Variants in COL23A1 observed in about 807,000 individuals in gnomAD.
The protein encoded by COL23A1 is collagen alpha-1(XXIII) chain.
In COL23A1, 97 loss-of-function variants were observed where a neutral mutation model predicts 99.3. That is an observed-to-expected ratio of 0.98 (90% confidence interval 0.83 to 1.16). The LOEUF is 1.16. COL23A1 is among the 50% of genes most tolerant of loss of function. The pLI, the probability that COL23A1 is intolerant of heterozygous loss-of-function variation, is 0.00. For missense variants in COL23A1, 762 were observed against 757.4 expected (o/e 1.01, Z -0.07); for synonymous variants, 320 against 308.2 (o/e 1.04, Z -0.40).
In COL23A1 at chr5:178,280,123, C is replaced by T. The variant is rs925743080; in HGVS notation, c.441+8201G>A. 6.6e-6 allele frequency among the ~76,000 whole-genome samples: 1 copy of T among 152,260 alleles called. No individual in the cohort carries two copies. The highest frequency in any genetic ancestry group is 1.5e-5 in the Non-Finnish European group (1 of 68,044). On this transcript the variant is annotated intron_variant, in intron 5 of 28. Transcript: ENST00000390654. This position sits in a 1 kb window ranked among gnomAD's most constrained non-coding sequence, Gnocchi z 4.9. ...AACGTCCATCCTGCTGGCTCTCGTG[C>T]CCGGCCAGGGAACACTAGAGGGCGC...
rs376239412 is a variant in COL23A1, at chr5:178,585,214, G to C, written c.294+4690C>G. 2.0e-5 allele frequency among the ~76,000 whole-genome samples: 3 copies of C among 152,270 alleles called. No individual in the cohort carries two copies. The South Asian group carries it at 6.2e-4, about 32-fold the overall frequency. Reference sequence around the variant, plus strand: ...GTTATGAGAACTTAGGCGGGCCAGTGGATGACTGAACCCCCGCTCTGCCCC... The same window carrying C: ...GTTATGAGAACTTAGGCGGGCCAGTCGATGACTGAACCCCCGCTCTGCCCC... On this transcript the variant is annotated intron_variant, in intron 1 of 28. Transcript: ENST00000390654.
At chr5:178,297,315 G>A (rs1227981229) in intron 3 of COL23A1, among the ~76,000 whole-genome samples, 2 of 152,252 alleles carry the variant, frequency 1.3e-5, no homozygotes, top group Non-Finnish European at 2.9e-5. Flanking sequence ...GAGGTCAGGA[G>A]TTAGAGACCA....
intron 18 of COL23A1, among the ~76,000 whole-genome samples, chr5:178,249,716 A>ACACTCACTCTCTCTCTCTCTCTCT: frequency 2.5e-4 from 23 of 92,810 alleles, no homozygotes; most frequent in South Asian, 4.2e-4. Flanking sequence ...ACACACACAC[A>ACACTCACTCTCTCTCTCTCTCTCT]CTCTCTCTCT....
At chr5:178,358,358 G>A (rs1329963026) in intron 2 of COL23A1, among the ~76,000 whole-genome samples, 3 of 148,338 alleles carry the variant, frequency 2.0e-5, no homozygotes, top group African/African-American at 7.3e-5. Flanking sequence ...TTGTGTGTAT[G>A]TGTATGTGTA....
Position 178,520,048 on chromosome 5 carries a change from G to A in COL23A1, c.361+40634C>T, listed in dbSNP as rs531259897. 1.1e-4 allele frequency among the ~76,000 whole-genome samples: 16 copies of A among 152,332 alleles called. No individual in the cohort carries two copies. The South Asian group carries it at 1.9e-3, about 18-fold the overall frequency. Reference sequence around the variant, plus strand: ...TGAATGGATGGTCAGATGATGGACAGATGCATGGGTGGATGGATGGATGGA... The same window carrying A: ...TGAATGGATGGTCAGATGATGGACAAATGCATGGGTGGATGGATGGATGGA... On this transcript the variant is annotated intron_variant, in intron 2 of 28. Coordinates refer to ENST00000390654, the MANE Select transcript of COL23A1 (RefSeq NM_173465.4).
chr5:178,252,637 G>A, intron 16 of COL23A1, 40 bp from the exon 17 acceptor site: 1 of 1,569,280 alleles, frequency 6.4e-7, no homozygotes, highest in African/African-American at 1.3e-5. Context: ...CATGGGTTAG[G>A]CAGGGCCTCC....
At chr5:178,498,257 T>TATAA (rs1758335655) in intron 2 of COL23A1, among the ~76,000 whole-genome samples, 2 of 83,788 alleles carry the variant, frequency 2.4e-5, no homozygotes, top group Non-Finnish European at 2.4e-5. Flanking sequence ...TATATATATA[T>TATAA]AAAAGAACTT....
At position 178,256,338 on chromosome 5, in the gene COL23A1, G is replaced by C. The variant is rs1765296691; in HGVS notation, c.882+15C>G. On this transcript the variant is annotated intron_variant, in intron 15 of 28. Transcript: ENST00000390654. ...ATCTCATCCCTGAGGCCTCGCCTGA[G>C]GGGCGGCAGCTTACCCGGGGCCCTG... 4 of 1,593,564 alleles carry C rather than the reference G, an allele frequency of 2.5e-6. No individual in the cohort carries two copies. The highest frequency in any genetic ancestry group is 3.4e-6 in the Non-Finnish European group (4 of 1,168,158).
intron 3 of COL23A1, among the ~76,000 whole-genome samples, chr5:178,303,351 G>A (rs947784873): frequency 2.6e-5 from 4 of 152,164 alleles, no homozygotes; most frequent in Non-Finnish European, 5.9e-5. Flanking sequence ...AAATTAAAAT[G>A]CTACAAATCT....
chr5:178,264,351 AG>A (rs1037933889), intron 8 of COL23A1, among the ~76,000 whole-genome samples: 14 of 144,596 alleles, frequency 9.7e-5, no homozygotes, highest in African/African-American at 3.6e-4. Flanking sequence ...AAAAAAAAAA[AG>A]GATGATGAAG....
chr5:178,331,177 A>T (rs1759997293), intron 2 of COL23A1, among the ~76,000 whole-genome samples: 1 of 152,228 alleles, frequency 6.6e-6, no homozygotes, highest in Non-Finnish European at 1.5e-5. Context: ...CTGTCATGCT[A>T]TGTTCCCTTC....
intron 2 of COL23A1, among the ~76,000 whole-genome samples, chr5:178,426,419 C>T (rs1336055676): frequency 2.0e-5 from 3 of 152,230 alleles, no homozygotes; most frequent in Non-Finnish European, 2.9e-5. Context: ...CTAGTGGCTG[C>T]CCCATTGGGA....
chr5:178,585,423 G>C (rs1339016708), intron 1 of COL23A1, among the ~76,000 whole-genome samples: 1 of 148,186 alleles, frequency 6.7e-6, no homozygotes, highest in Non-Finnish European at 1.5e-5. Flanking sequence ...ACACTCCACA[G>C]CCCTGGTTGA....
chr5:178,511,518 C>A (rs1204184564), intron 2 of COL23A1, among the ~76,000 whole-genome samples: 1 of 152,220 alleles, frequency 6.6e-6, no homozygotes, highest in Non-Finnish European at 1.5e-5. Context: ...AAAAACCTTT[C>A]AAAATACCCT....
In COL23A1 at chr5:178,313,756, G is replaced by T. The variant is rs969714581; in HGVS notation, c.362-6837C>A. Reference sequence around the variant, plus strand: ...TCCCAGAACTTTGGGAGGAAGTGGGGTGAGATGGCCTGAATCCTCCCAGAC... The same window carrying T: ...TCCCAGAACTTTGGGAGGAAGTGGGTTGAGATGGCCTGAATCCTCCCAGAC... On this transcript the variant is annotated intron_variant, in intron 2 of 28. Transcript: ENST00000390654. This position sits in a 1 kb window ranked among gnomAD's most constrained non-coding sequence, Gnocchi z 4.2. Among the ~76,000 whole-genome samples, 10 of 152,118 alleles carry T rather than the reference G, an allele frequency of 6.6e-5. No individual in the cohort carries two copies. The South Asian group carries it at 8.3e-4, about 13-fold the overall frequency.
At chr5:178,424,154 G>A (rs1369571877) in intron 2 of COL23A1, among the ~76,000 whole-genome samples, 1 of 152,166 alleles carries the variant, frequency 6.6e-6, no homozygotes, top group Admixed American at 6.5e-5. Context: ...AGAAAATCAA[G>A]CAGCCTCCCT....
intron 2 of COL23A1, among the ~76,000 whole-genome samples, chr5:178,364,143 C>G: frequency 6.6e-6 from 1 of 152,194 alleles, no homozygotes; most frequent in Non-Finnish European, 1.5e-5. Context: ...TTTAAAGCCG[C>G]GTGTGCTTTT....
At chr5:178,257,433 G>T in intron 13 of COL23A1, 90 bp downstream of exon 13, 2 of 1,451,318 alleles carry the variant, frequency 1.4e-6, no homozygotes, top group Non-Finnish European at 1.9e-6. Context: ...AACCCGTGGT[G>T]CCAAAGGTCC....
chr5:178,366,565 C>T lies in COL23A1; in HGVS notation c.362-59646G>A, dbSNP rs979184635. Among the ~76,000 whole-genome samples the T allele has an allele frequency of 2.6e-5, 4 of 152,166 alleles. No homozygotes were observed. Among genetic ancestry groups the T allele is most frequent in the African/African-American group, 4.8e-5 (2 of 41,426 alleles). On this transcript the variant is annotated intron_variant, in intron 2 of 28. Transcript: ENST00000390654. This position sits in a 1 kb window ranked among gnomAD's most constrained non-coding sequence, Gnocchi z 4.4. ...GCCCCAACAGAGTGCTTTCAGATCA[C>T]CCGCCCTGCGAAAATGTGTCGGTGA... is the stretch of plus-strand genomic sequence containing the variant.
Sources: allele counts gnomAD v4.1 joint callset (sites outside exome capture counted in the v4.1 genomes callset), GRCh38; gene constraint gnomAD v4.1.1; non-coding constraint Gnocchi (gnomAD v3.1); transcripts MANE v1.5; gene names NCBI Gene and HGNC (gene_info 2026-07-23, HGNC 2026-07-21).